Variants in WASHC2C observed in about 807,000 individuals in gnomAD.
WASHC2C encodes WASH complex subunit 2C.
Under a neutral mutation model 142.2 loss-of-function variants are expected in WASHC2C, and 73 were observed. The ratio of observed to expected loss-of-function variants is 0.51; its 90% confidence interval spans 0.43 to 0.62. The LOEUF (loss-of-function observed/expected upper bound fraction) is 0.62. WASHC2C is among the 20% of genes least tolerant of loss of function. The pLI, the probability that WASHC2C is intolerant of heterozygous loss-of-function variation, is 0.00. For synonymous variants in WASHC2C, 337 were observed against 565.5 expected (o/e 0.60, Z 5.73); for missense variants, 969 against 1,531.7 (o/e 0.63, Z 6.13).
At chr10:45,759,980 C>T (rs1400345412) in intron 17 of WASHC2C, among the ~76,000 whole-genome samples, 5 of 149,504 alleles carry the variant, frequency 3.3e-5, no homozygotes, top group Middle Eastern at 3.4e-3. Flanking sequence ...TTCATGGGCT[C>T]ATGATGTGAT....
intron 3 of WASHC2C, among the ~76,000 whole-genome samples, chr10:45,729,797 G>T (rs2050320432): frequency 1.3e-5 from 2 of 148,228 alleles, no homozygotes; most frequent in South Asian, 2.2e-4. Context: ...TCCCGAGATT[G>T]TTAGATATAA....
chr10:45,757,631 T>G (rs569905804), intron 16 of WASHC2C, among the ~76,000 whole-genome samples: 86 of 152,256 alleles, frequency 5.6e-4, no homozygotes, highest in African/African-American at 1.8e-3. Flanking sequence ...AATACAGATT[T>G]AAAATTATCT....
intron 3 of WASHC2C, among the ~76,000 whole-genome samples, chr10:45,734,276 G>A (rs1268001894): frequency 1.3e-5 from 2 of 151,472 alleles, no homozygotes; most frequent in Non-Finnish European, 2.9e-5. Context: ...CAAAAAATCA[G>A]CTACCCCAAA....
chr10:45,750,877 T>C (rs2053501365), intron 10 of WASHC2C, 39 bp downstream of exon 10: 7 of 1,524,926 alleles, frequency 4.6e-6, no homozygotes, highest in Non-Finnish European at 6.2e-6. Context: ...AGGGGAGGAG[T>C]AGTGCAGGGC....
chr10:45,765,428 T>G (rs1340299981), intron 18 of WASHC2C, among the ~76,000 whole-genome samples: 1 of 150,080 alleles, frequency 6.7e-6, no homozygotes, highest in Non-Finnish European at 1.5e-5. Context: ...CATGATCTCA[T>G]TTGCATGTTG....
intron 26 of WASHC2C, chr10:45,786,411 C>T: frequency 1.4e-6 from 1 of 735,496 alleles, no homozygotes; most frequent in South Asian, 1.7e-5. Flanking sequence ...TGGCAGCTTT[C>T]CACTTATGTG....
At position 45,748,136 on chromosome 10, in the gene WASHC2C, A is replaced by G. The variant is rs1205857176; in HGVS notation, c.732+1489A>G. 1.1e-4 allele frequency among the ~76,000 whole-genome samples: 15 copies of G among 131,392 alleles called. No individual in the cohort carries two copies. In the Admixed American group the frequency reaches 1.2e-3, roughly 10 times the overall value. 86.2% of individuals were successfully genotyped at this position (131,392 alleles called of 152,430 possible). A position where few individuals can be genotyped will look rare whatever the true frequency, so the allele number is the denominator to read the frequency against. On this transcript the variant is annotated intron_variant, in intron 8 of 30. Coordinates refer to ENST00000623400, the MANE Select transcript of WASHC2C (RefSeq NM_001330074.2). ...GTTTAACTATCAAATGAAGGATTTT[A>G]TACTTTCTGGTTGTTACTGTATTTT... is the stretch of plus-strand genomic sequence containing the variant.
intron 13 of WASHC2C, among the ~76,000 whole-genome samples, chr10:45,754,005 G>A (rs2053931635): frequency 6.6e-6 from 1 of 151,546 alleles, no homozygotes. Context: ...GCTCTCCTCT[G>A]CTTTCTGCTG....
chr10:45,769,996 T>A (rs1434399235), intron 20 of WASHC2C, among the ~76,000 whole-genome samples: 1 of 151,768 alleles, frequency 6.6e-6, no homozygotes, highest in East Asian at 1.9e-4. Flanking sequence ...ATCCCAGCAC[T>A]TTGGGAGGCC....
At chr10:45,752,803 G>A (rs1310485183) in intron 12 of WASHC2C, 97 bp downstream of exon 12, 3 of 800,754 alleles carry the variant, frequency 3.7e-6, no homozygotes, top group South Asian at 1.8e-5. Context: ...GGGAAAAACA[G>A]TTTCTCAGTT....
chr10:45,784,238 ATATG>A (rs1156559726), intron 23 of WASHC2C, among the ~76,000 whole-genome samples: 20 of 58,218 alleles, frequency 3.4e-4, no homozygotes, highest in African/African-American at 1.0e-3. Flanking sequence ...ATATATATAT[ATATG>A]TGTGTGTGTG....
chr10:45,749,322 C>T (rs1589685375), intron 8 of WASHC2C, among the ~76,000 whole-genome samples: 2 of 150,974 alleles, frequency 1.3e-5, no homozygotes, highest in African/African-American at 2.4e-5. Context: ...GTAATCCTAG[C>T]TACTCAGAGG....
At chr10:45,756,459 A>G (rs2134848950) in intron 15 of WASHC2C, among the ~76,000 whole-genome samples, 1 of 152,300 alleles carries the variant, frequency 6.6e-6, no homozygotes, top group Admixed American at 6.5e-5. Flanking sequence ...CTTCTTATTT[A>G]TAGCCTTATT....
intron 4 of WASHC2C, 96 bp downstream of exon 4, chr10:45,738,141 G>A (rs1554865672): frequency 6.2e-7 from 1 of 1,609,734 alleles, no homozygotes; most frequent in East Asian, 2.2e-5. Context: ...GGTGGGTGGG[G>A]TTGGGAAAGG....
intron 6 of WASHC2C, among the ~76,000 whole-genome samples, chr10:45,744,052 T>C (rs1382813052): frequency 6.6e-6 from 1 of 151,698 alleles, no homozygotes; most frequent in African/African-American, 2.4e-5. Flanking sequence ...CGGCTCTTTT[T>C]CTTTCTTTCT....
intron 20 of WASHC2C, 75 bp downstream of exon 20, chr10:45,769,693 G>A (rs1417179922): frequency 6.2e-7 from 1 of 1,606,558 alleles, no homozygotes; most frequent in Non-Finnish European, 8.5e-7. Context: ...GCACAATCTA[G>A]TTCATCGGGT....
At position 45,790,387 on chromosome 10, in the gene WASHC2C, C is replaced by T. The variant is rs2058329096; in HGVS notation, c.3740C>T (p.Pro1247Leu). 6.2e-6 allele frequency: 10 copies of T among 1,610,332 alleles called. No homozygotes were observed. The highest frequency in any genetic ancestry group is 2.2e-5 in the East Asian group (1 of 44,880). ...DDIFATEAIK[P>L]SQKTREKEKT... Reference sequence around the variant, plus strand: ...ATATTTGCTACGGAAGCAATTAAACCCTCTCAGAAAACCAGAGAGAAGGAG... The same window carrying T: ...ATATTTGCTACGGAAGCAATTAAACTCTCTCAGAAAACCAGAGAGAAGGAG... The change falls in exon 30 of 31, where the codon CCC becomes CTC. Residue 1247 changes from proline (P) to leucine (L), a missense_variant. Pro to Leu is a moderately conservative substitution (Grantham distance 98). Transcript: ENST00000623400.
At chr10:45,784,468 AG>A in intron 23 of WASHC2C, 96 bp from the exon 24 acceptor site, 1 of 1,406,550 alleles carries the variant, frequency 7.1e-7, no homozygotes, top group East Asian at 2.4e-5. Context: ...ATACAGCTGC[AG>A]GGGACATCTT....
intron 3 of WASHC2C, among the ~76,000 whole-genome samples, chr10:45,736,881 C>T (rs1554864990): frequency 6.6e-6 from 1 of 151,988 alleles, no homozygotes; most frequent in Non-Finnish European, 1.5e-5. Flanking sequence ...TTACTGTACT[C>T]AAAGTTTTAT....
Sources: gnomAD v4.1 joint callset for allele counts (sites outside exome capture counted in the v4.1 genomes callset) on GRCh38, gnomAD v4.1.1 for gene constraint, MANE v1.5 for transcripts, NCBI Gene and HGNC (gene_info 2026-07-23, HGNC 2026-07-21) for gene names.